The following PRKG1 variants were observed in gnomAD, a reference collection of about 807,000 sequenced individuals.
PRKG1 encodes cGMP-dependent protein kinase 1.
Under a neutral mutation model 88.1 loss-of-function variants are expected in PRKG1, and 35 were observed. The observed-to-expected ratio is 0.40, with a 90% CI of 0.30 to 0.53. The LOEUF (loss-of-function observed/expected upper bound fraction) is 0.53. Among genes scored for constraint, PRKG1 ranks in the 20% least tolerant of loss-of-function variants. PRKG1 has a pLI of 0.59. For synonymous variants in PRKG1, 303 were observed against 292.5 expected, an observed-to-expected ratio of 1.04 and a Z score of -0.37; for missense variants, 540 against 839.8, an observed-to-expected ratio of 0.64 and a Z score of 4.41.
chr10:51,172,792 C>T (rs1227590511), intron 2 of PRKG1, among the ~76,000 whole-genome samples: 1 of 151,962 alleles, frequency 6.6e-6, no homozygotes, highest in Non-Finnish European at 1.5e-5. Context: ...TGCACATCTT[C>T]AGGCCTAGGT....
chr10:51,115,542 G>A (rs994746959), intron 1 of PRKG1, among the ~76,000 whole-genome samples: 1 of 150,074 alleles, frequency 6.7e-6, no homozygotes, highest in Non-Finnish European at 1.5e-5. Context: ...TGTAATGTAA[G>A]AATGATAAAG....
chr10:52,130,744 T>C (rs902966672), intron 7 of PRKG1, among the ~76,000 whole-genome samples: 3 of 152,180 alleles, frequency 2.0e-5, no homozygotes, highest in Admixed American at 6.5e-5. Context: ...TTCCTGCCCA[T>C]TATGTTCATT....
At chr10:51,915,538 T>A (rs1842320611) in intron 5 of PRKG1, among the ~76,000 whole-genome samples, 2 of 149,678 alleles carry the variant, frequency 1.3e-5, no homozygotes, top group Admixed American at 1.3e-4. Context: ...TTGGAAGATG[T>A]GTGTGTGTAT....
At chr10:51,508,751 A>C (rs1404441059) in intron 3 of PRKG1, among the ~76,000 whole-genome samples, 2 of 152,144 alleles carry the variant, frequency 1.3e-5, no homozygotes, top group African/African-American at 4.8e-5. Flanking sequence ...TGTGATTGAA[A>C]AGCATTGACA....
chr10:51,573,472 T>C (rs542152553), intron 3 of PRKG1, among the ~76,000 whole-genome samples: 37 of 152,028 alleles, frequency 2.4e-4, no homozygotes, highest in Admixed American at 2.1e-3. Flanking sequence ...ATAAAATAAT[T>C]GTAATGGGCC....
intron 12 of PRKG1, among the ~76,000 whole-genome samples, chr10:52,274,768 T>C (rs1196636711): frequency 1.3e-5 from 2 of 152,112 alleles, no homozygotes; most frequent in Non-Finnish European, 2.9e-5. Context: ...CTGTTTTCCA[T>C]AGCAGCTGTA....
At chr10:51,301,765 C>G (rs1265848690) in intron 2 of PRKG1, among the ~76,000 whole-genome samples, 1 of 152,200 alleles carries the variant, frequency 6.6e-6, no homozygotes, top group Non-Finnish European at 1.5e-5. Context: ...GTAATTGATC[C>G]TGTCTCCTGA....
rs543048743 is a variant in PRKG1, at chr10:51,676,459, C to G, written c.593-128126C>G. ...TCAGAGTTTCAAAAAGTCACCAATG[C>G]ACAAAAAAAAAAAAAAAAATAGTAT... On this transcript the variant is annotated intron_variant, in intron 3 of 17. Transcript: ENST00000373980. 2.0e-3 allele frequency among the ~76,000 whole-genome samples: 184 copies of G among 90,626 alleles called. 1 individual carries two copies. The highest frequency in any genetic ancestry group is 8.8e-3 in the African/African-American group (177 of 20,092). The allele number at this position is 90,626 out of a possible 152,430, so 59.5% of individuals were successfully genotyped here.
rs116180147 is a variant in PRKG1 at position 51,425,780 on chromosome 10, G to C, written c.479-41943G>C. On this transcript the variant is annotated intron_variant, in intron 2 of 17. Transcript: ENST00000373980. ...ATCACAGGACATAGACAGGATATGT[G>C]TTTCTGGATTTGAGGTTTTAGAGGA... Among the ~76,000 whole-genome samples the C allele has an allele frequency of 1.6e-3, 247 of 152,266 alleles. 2 individuals carry two copies. Among genetic ancestry groups the C allele is most frequent in the African/African-American group, 5.5e-3 (229 of 41,546 alleles).
rs73336244 is a variant in PRKG1, at chr10:51,471,670, T to A, written c.592+3834T>A. Among the ~76,000 whole-genome samples, 830 of 152,026 alleles carry A rather than the reference T, an allele frequency of 5.5e-3. 7 individuals carry two copies. The highest frequency in any genetic ancestry group is 0.019 in the African/African-American group (791 of 41,508). On this transcript the variant is annotated intron_variant, in intron 3 of 17. Transcript: ENST00000373980. ...ACAATGAGAGGGATTCAGTGACACA[T>A]GTTGAACTCAGAGTACTTTTGCCTG...
intron 2 of PRKG1, among the ~76,000 whole-genome samples, chr10:51,271,614 T>C (rs1839982553): frequency 6.6e-6 from 1 of 152,208 alleles, no homozygotes; most frequent in Non-Finnish European, 1.5e-5. Context: ...TTTAAATCTA[T>C]GGTCTAATGT....
intron 1 of PRKG1, among the ~76,000 whole-genome samples, chr10:51,082,385 C>T (rs184543115): frequency 2.6e-5 from 4 of 152,222 alleles, no homozygotes; most frequent in African/African-American, 4.8e-5. Flanking sequence ...TAATGTAGGA[C>T]GGCGGTTCCC....
At chr10:52,170,694 C>T (rs1258055132) in intron 9 of PRKG1, among the ~76,000 whole-genome samples, 2 of 152,186 alleles carry the variant, frequency 1.3e-5, no homozygotes, top group East Asian at 3.8e-4. Context: ...TTCAAGCCCT[C>T]CTGTTTACAA....
At position 51,582,835 on chromosome 10, in the gene PRKG1, A is replaced by G. The variant is rs138061583; in HGVS notation, c.592+114999A>G. Reference sequence around the variant, plus strand: ...TTATTGGGAATTCCATGGGATTTTTACCATATTGAGTTCATAAAAAAAGAA... The same window carrying G: ...TTATTGGGAATTCCATGGGATTTTTGCCATATTGAGTTCATAAAAAAAGAA... On this transcript the variant is annotated intron_variant, in intron 3 of 17. Coordinates refer to ENST00000373980, the MANE Select transcript of PRKG1 (RefSeq NM_006258.4). Among the ~76,000 whole-genome samples the G allele has an allele frequency of 4.5e-3, 683 of 152,198 alleles. 3 individuals carry two copies. The highest frequency in any genetic ancestry group is 0.015 in the African/African-American group (640 of 41,540).
intron 1 of PRKG1, among the ~76,000 whole-genome samples, chr10:51,013,078 G>A (rs1843013103): frequency 6.6e-6 from 1 of 152,198 alleles, no homozygotes; most frequent in Non-Finnish European, 1.5e-5. Flanking sequence ...AAGTATAGAA[G>A]GTCCAGCTCA....
chr10:51,092,745 A>C (rs1419946673), intron 1 of PRKG1, among the ~76,000 whole-genome samples: 1 of 152,200 alleles, frequency 6.6e-6, no homozygotes, highest in Non-Finnish European at 1.5e-5. Flanking sequence ...TCTTACTTTG[A>C]GGATTCACTG....
At chr10:51,819,274 G>A (rs1839681433) in intron 4 of PRKG1, among the ~76,000 whole-genome samples, 1 of 151,754 alleles carries the variant, frequency 6.6e-6, no homozygotes, top group Non-Finnish European at 1.5e-5. Flanking sequence ...TTAGCAACCA[G>A]CTTTCACAGG....
chr10:51,322,696 C>T (rs971298669), intron 2 of PRKG1, among the ~76,000 whole-genome samples: 1 of 152,154 alleles, frequency 6.6e-6, no homozygotes, highest in Non-Finnish European at 1.5e-5. Flanking sequence ...TGAGGTTTTA[C>T]AGAAAGACCC....
chr10:51,570,465 C>T (rs1837724528), intron 3 of PRKG1, among the ~76,000 whole-genome samples: 1 of 151,822 alleles, frequency 6.6e-6, no homozygotes, highest in Non-Finnish European at 1.5e-5. Context: ...TCACTGCCTT[C>T]AAATTGAGTA....
Sources: gnomAD v4.1 joint callset for allele counts (sites outside exome capture counted in the v4.1 genomes callset) on GRCh38, gnomAD v4.1.1 for gene constraint, MANE v1.5 for transcripts, NCBI Gene and HGNC (gene_info 2026-07-23, HGNC 2026-07-21) for gene names.